CNTN5: variants seen among roughly 807,000 people sequenced by gnomAD.
CNTN5 encodes contactin-5.
A neutral mutation model predicts 129.1 loss-of-function variants in CNTN5; 77 were observed. The observed-to-expected ratio is 0.60, with a 90% CI of 0.50 to 0.72. CNTN5 has a LOEUF of 0.72. Among genes scored for constraint, CNTN5 ranks in the 30% least tolerant of loss-of-function variants. The pLI, the probability that CNTN5 is intolerant of heterozygous loss-of-function variation, is 0.00. For synonymous variants in CNTN5, 509 were observed against 465.6 expected (o/e 1.09, Z -1.20); for missense variants, 1,478 against 1,328.8 (o/e 1.11, Z -1.75).
chr11:99,504,529 C>CAAA (rs754621021), intron 2 of CNTN5, among the ~76,000 whole-genome samples: 1,598 of 90,168 alleles, frequency 0.018, 47 homozygotes, highest in African/African-American at 0.059. Context: ...GACTCCGTCT[C>CAAA]AAAAAAAAAA....
chr11:99,539,373 T>C (rs1948014493), intron 2 of CNTN5, among the ~76,000 whole-genome samples: 1 of 152,098 alleles, frequency 6.6e-6, no homozygotes, highest in Non-Finnish European at 1.5e-5. Context: ...TTAGGTCTTA[T>C]TATTTTCTCC....
chr11:99,997,560 G>A (rs576705371), intron 8 of CNTN5, among the ~76,000 whole-genome samples: 8 of 152,058 alleles, frequency 5.3e-5, no homozygotes, highest in Non-Finnish European at 8.8e-5. Flanking sequence ...ATTCACAGCC[G>A]AATTCTACCA....
chr11:99,843,555 T>C (rs2135688918), intron 4 of CNTN5, among the ~76,000 whole-genome samples: 1 of 152,324 alleles, frequency 6.6e-6, no homozygotes, highest in Admixed American at 6.5e-5. Flanking sequence ...AATACATATA[T>C]TGGAACTATG....
intron 1 of CNTN5, among the ~76,000 whole-genome samples, chr11:99,318,304 GC>G (rs1253543873): frequency 6.6e-6 from 1 of 152,110 alleles, no homozygotes; most frequent in African/African-American, 2.4e-5. Context: ...GTTAAGGAAA[GC>G]ATGTGATTTT....
intron 2 of CNTN5, among the ~76,000 whole-genome samples, chr11:99,369,669 A>T (rs182661666): frequency 1.2e-3 from 180 of 152,276 alleles, no homozygotes; most frequent in African/African-American, 4.1e-3. Flanking sequence ...AATGGTAGAA[A>T]GGAGGTAAAA....
At chr11:99,404,288 G>GT (rs71046683) in intron 2 of CNTN5, among the ~76,000 whole-genome samples, 4 of 148,066 alleles carry the variant, frequency 2.7e-5, no homozygotes, top group African/African-American at 7.4e-5. Flanking sequence ...CAGATCAATG[G>GT]TTTTTTTTTT....
chr11:99,536,262 CT>C (rs34292455), intron 2 of CNTN5, among the ~76,000 whole-genome samples: 50,533 of 151,564 alleles, frequency 0.33, 8,766 homozygotes, highest in Non-Finnish European at 0.39. Flanking sequence ...ATAAGAAAAT[CT>C]TTTTTTTATT....
chr11:100,100,398 G>A (rs989782525), intron 13 of CNTN5, among the ~76,000 whole-genome samples: 2 of 152,014 alleles, frequency 1.3e-5, no homozygotes, highest in African/African-American at 4.8e-5. Flanking sequence ...CCCTTCATAG[G>A]CCTCTTCACT....
At chr11:100,013,664 T>C (rs1251782599) in intron 9 of CNTN5, among the ~76,000 whole-genome samples, 1 of 152,182 alleles carries the variant, frequency 6.6e-6, no homozygotes, top group Non-Finnish European at 1.5e-5. Flanking sequence ...CTCACAGTCT[T>C]GGATTTCTAA....
intron 7 of CNTN5, among the ~76,000 whole-genome samples, chr11:99,935,724 G>A (rs911298478): frequency 7.2e-5 from 11 of 152,090 alleles, no homozygotes; most frequent in Non-Finnish European, 1.5e-4. Context: ...TTCAAAAAGA[G>A]TGTAACAATA....
intron 3 of CNTN5, 112 bp downstream of exon 3, chr11:99,556,381 T>C: frequency 1.7e-6 from 1 of 581,060 alleles, no homozygotes; most frequent in Non-Finnish European, 2.8e-6. Context: ...TTTATATCAG[T>C]ATTTATACTT....
chr11:99,672,176 C>T (rs560201213), intron 3 of CNTN5, among the ~76,000 whole-genome samples: 7 of 152,266 alleles, frequency 4.6e-5, no homozygotes, highest in African/African-American at 7.2e-5. Flanking sequence ...TACTCTGCCC[C>T]ATCAAAACTG....
chr11:99,569,089 A>G (rs963550109), intron 3 of CNTN5, among the ~76,000 whole-genome samples: 9 of 152,140 alleles, frequency 5.9e-5, no homozygotes, highest in Admixed American at 4.6e-4. Flanking sequence ...GGTCCAGATC[A>G]TGGATAAACA....
At chr11:99,691,563 GTGAA>G (rs1298742914) in intron 3 of CNTN5, among the ~76,000 whole-genome samples, 19 of 152,124 alleles carry the variant, frequency 1.2e-4, no homozygotes, top group Admixed American at 5.9e-4. Context: ...ATAATTTTGA[GTGAA>G]TTTCTTAATC....
chr11:99,319,646 A>T (rs7951425), intron 1 of CNTN5, among the ~76,000 whole-genome samples: 5 of 152,056 alleles, frequency 3.3e-5, no homozygotes, highest in African/African-American at 1.2e-4. Flanking sequence ...CATTATTGAC[A>T]TCAATTAGTT....
chr11:99,819,181 AAAGT>A (rs1946689306), intron 3 of CNTN5, among the ~76,000 whole-genome samples: 1 of 150,358 alleles, frequency 6.7e-6, no homozygotes, highest in Admixed American at 6.6e-5. Flanking sequence ...TTTTCCTGAC[AAAGT>A]ATAAAGCTTG....
intron 2 of CNTN5, among the ~76,000 whole-genome samples, chr11:99,484,202 A>G (rs112391895): frequency 0.023 from 3,549 of 152,252 alleles, 61 homozygotes; most frequent in Middle Eastern, 0.058. Flanking sequence ...AAAACACAAT[A>G]CAATTTAAAA....
intron 21 of CNTN5, 59 bp from the exon 22 acceptor site, chr11:100,340,404 C>A: frequency 7.8e-7 from 1 of 1,284,482 alleles, no homozygotes; most frequent in Non-Finnish European, 1.1e-6. Flanking sequence ...AAAGTTCAAG[C>A]AGCCACAAGC....
At chr11:99,977,442 C>T (rs1390588134) in intron 8 of CNTN5, among the ~76,000 whole-genome samples, 3 of 152,186 alleles carry the variant, frequency 2.0e-5, no homozygotes, top group Non-Finnish European at 4.4e-5. Flanking sequence ...TTCATTTTCA[C>T]ACCGCTATGA....
Sources: allele counts gnomAD v4.1 joint callset (sites outside exome capture counted in the v4.1 genomes callset), GRCh38; gene constraint gnomAD v4.1.1; transcripts MANE v1.5; gene names NCBI Gene and HGNC (gene_info 2026-07-23, HGNC 2026-07-21).